Variants in ZNF529 observed in about 807,000 individuals in gnomAD.
The protein encoded by ZNF529 is zinc finger protein 529.
A neutral mutation model predicts 10.1 loss-of-function variants in ZNF529; 11 were observed. That is an observed-to-expected ratio of 1.09 (90% confidence interval 0.69 to 1.81). The LOEUF is 1.81. ZNF529 is among the 40% of genes most tolerant of loss of function. The pLI, the probability that ZNF529 is intolerant of heterozygous loss-of-function variation, is 0.00. For synonymous variants in ZNF529, 204 were observed against 215.7 expected (o/e 0.95, Z 0.47); for missense variants, 624 against 666.8 (o/e 0.94, Z 0.71).
rs546795465 is a variant in ZNF529 at position 36,587,153 on chromosome 19, T to C, written c.-41+2462A>G. 1.4e-4 allele frequency among the ~76,000 whole-genome samples: 22 copies of C among 151,976 alleles called. No individual in the cohort carries two copies. The South Asian group carries it at 4.6e-3, about 32-fold the overall frequency. ...GGTGGCGAGCACCTGTAATCCCAGC[T>C]ACTCAGTAGGCTGAGGCAGGAGAAT... On this transcript the variant is annotated intron_variant, in intron 2 of 4. Coordinates refer to the ZNF529 transcript ENST00000585960.
At chr19:36,588,303 T>C (rs1044102664) in intron 2 of ZNF529, among the ~76,000 whole-genome samples, 1 of 152,200 alleles carries the variant, frequency 6.6e-6, no homozygotes, top group Admixed American at 6.5e-5. Flanking sequence ...GTTTAGTATA[T>C]GGTCTCCAGT....
intron 2 of ZNF529, among the ~76,000 whole-genome samples, chr19:36,561,531 T>C (rs966896043): frequency 1.3e-5 from 2 of 152,046 alleles, no homozygotes; most frequent in African/African-American, 4.8e-5. Flanking sequence ...TACAGGCACG[T>C]GATGCCTTGG....
intron 2 of ZNF529, among the ~76,000 whole-genome samples, chr19:36,568,768 T>C (rs1430408377): frequency 7.2e-5 from 11 of 151,976 alleles, no homozygotes; most frequent in Admixed American, 7.2e-4. Context: ...CACTCTGACT[T>C]TTGAGTTTCA....
chr19:36,554,387 G>A (rs757480006), intron 4 of ZNF529, among the ~76,000 whole-genome samples: 7 of 152,132 alleles, frequency 4.6e-5, no homozygotes, highest in Non-Finnish European at 1.0e-4. Flanking sequence ...GACCAGCCTG[G>A]CCAACATGGT....
intron 2 of ZNF529, among the ~76,000 whole-genome samples, chr19:36,571,396 C>T (rs2036101317): frequency 1.3e-5 from 2 of 151,986 alleles, no homozygotes; most frequent in South Asian, 4.1e-4. Context: ...TGTTTAAAGC[C>T]GGGCGCAGTG....
At chr19:36,579,230 T>C (rs2145236246) in intron 2 of ZNF529, among the ~76,000 whole-genome samples, 1 of 151,996 alleles carries the variant, frequency 6.6e-6, no homozygotes, top group South Asian at 2.1e-4. Flanking sequence ...ACGTGTGAAT[T>C]AGAAATTCTA....
At chr19:36,556,030 C>CT in intron 3 of ZNF529, 74 bp downstream of exon 3, 18 of 1,475,628 alleles carry the variant, frequency 1.2e-5, no homozygotes, top group Non-Finnish European at 1.7e-5. Context: ...GGTACAGGTT[C>CT]TTTGACAGAG....
intron 1 of ZNF529, among the ~76,000 whole-genome samples, chr19:36,590,652 G>A (rs967693662): frequency 4.6e-5 from 7 of 152,120 alleles, no homozygotes; most frequent in African/African-American, 1.7e-4. Flanking sequence ...AACCTTGGGT[G>A]GGCATGACGG....
intron 2 of ZNF529, among the ~76,000 whole-genome samples, chr19:36,557,919 A>G (rs1011820939): frequency 1.6e-4 from 24 of 152,236 alleles, no homozygotes; most frequent in African/African-American, 4.8e-4. Flanking sequence ...GACAAAGGAA[A>G]CCATAAAGAA....
At chr19:36,585,128 C>G (rs2967422) in intron 2 of ZNF529, among the ~76,000 whole-genome samples, 147,440 of 152,286 alleles carry the variant, frequency 0.97, 71,818 homozygotes, top group African/African-American at 1. Context: ...CAAAGTGCAT[C>G]GTCCTTGCCT....
chr19:36,556,416 G>GCAT (rs1680729699), intron 2 of ZNF529, among the ~76,000 whole-genome samples: 1 of 152,156 alleles, frequency 6.6e-6, no homozygotes, highest in Non-Finnish European at 1.5e-5. Flanking sequence ...CAAGGGCATG[G>GCAT]GGCTTCTTCA....
intron 1 of ZNF529, among the ~76,000 whole-genome samples, chr19:36,596,057 C>CTTTTTT (rs61695534): frequency 1.5e-5 from 1 of 68,618 alleles, no homozygotes; most frequent in Non-Finnish European, 2.6e-5. Flanking sequence ...TCCTGAAGCT[C>CTTTTTT]TTTTTTTTTT....
intron 1 of ZNF529, among the ~76,000 whole-genome samples, chr19:36,593,218 C>T (rs2912417): frequency 0.34 from 51,926 of 152,034 alleles, 9,490 homozygotes; most frequent in African/African-American, 0.48. Context: ...GTCTGTCACC[C>T]AGGCTGGAGT....
intron 2 of ZNF529, among the ~76,000 whole-genome samples, chr19:36,566,745 C>A (rs2035913412): frequency 6.6e-6 from 1 of 151,846 alleles, no homozygotes; most frequent in Admixed American, 6.6e-5. Context: ...AAGGGCCAGG[C>A]CTGGTGGCTT....
chr19:36,571,590 A>C (rs2036111243), intron 2 of ZNF529, among the ~76,000 whole-genome samples: 1 of 151,470 alleles, frequency 6.6e-6, no homozygotes, highest in African/African-American at 2.4e-5. Context: ...CAGGAGACTC[A>C]CTTGAACCTG....
At chr19:36,549,756 C>T (rs954124824) in intron 4 of ZNF529, among the ~76,000 whole-genome samples, 2 of 152,196 alleles carry the variant, frequency 1.3e-5, no homozygotes, top group Non-Finnish European at 2.9e-5. Context: ...TTTACTCCGC[C>T]GTCCTCCTAA....
chr19:36,593,809 A>G (rs1475415358), intron 1 of ZNF529: 1 of 152,172 alleles, frequency 6.6e-6, no homozygotes, highest in African/African-American at 2.4e-5. Context: ...AATGGTTAAG[A>G]ACTTGTCAGT....
chr19:36,586,821 CTGT>C (rs1402015159), intron 2 of ZNF529, among the ~76,000 whole-genome samples: 3 of 152,126 alleles, frequency 2.0e-5, no homozygotes, highest in Non-Finnish European at 4.4e-5. Context: ...ATCCTAAATC[CTGT>C]TGTTTATGTC....
At position 36,545,101 on chromosome 19, in the gene ZNF529, T is replaced by G. The variant is rs61396420; in HGVS notation, c.*1765A>C. 0.23 allele frequency: 34,528 copies of G among 152,338 alleles called. 3,967 individuals carry two copies. Among genetic ancestry groups the G allele is most frequent in the Middle Eastern group, 0.26 (78 of 296 alleles). The allele number at this position is 152,338 out of a possible 1,614,324, so 9.4% of individuals were successfully genotyped here. On this transcript the variant is annotated 3_prime_UTR_variant, in exon 5 of 5. Transcript: ENST00000591340. ...TGGGCATGGTGGCGCATGCCTGTAA[T>G]CCCAGCTACTTGGCAGGCTGAGGCA... is the stretch of plus-strand genomic sequence containing the variant.
Sources: gnomAD v4.1 joint callset for allele counts (sites outside exome capture counted in the v4.1 genomes callset) on GRCh38, gnomAD v4.1.1 for gene constraint, MANE v1.5 for transcripts, NCBI Gene and HGNC (gene_info 2026-07-23, HGNC 2026-07-21) for gene names.